Variants in TET2 observed in about 807,000 individuals in gnomAD.
The protein encoded by TET2 is tet methylcytosine dioxygenase 2, also known as methylcytosine dioxygenase TET2.
In TET2, 299 loss-of-function variants were observed where a neutral mutation model predicts 142.9. That is an observed-to-expected ratio of 2.09 (90% confidence interval 1.90 to 2.30). The LOEUF is 2.30. Among genes scored for constraint, TET2 ranks in the 30% most tolerant of loss-of-function variants. TET2 has a pLI of 0.00. For synonymous variants in TET2, 819 were observed against 849.0 expected (o/e 0.96, Z 0.61); for missense variants, 2,418 against 2,378.0 (o/e 1.02, Z -0.35).
At chr4:105,238,072 C>G (rs1388797486) in intron 3 of TET2, 1 of 342,296 alleles carries the variant, frequency 2.9e-6, no homozygotes, top group Non-Finnish European at 4.7e-6. Context: ...TGGTTTCTCA[C>G]TGTATGTAAA....
At position 105,235,331 on chromosome 4, in the gene TET2, T is replaced by C. The variant is rs769070866; in HGVS notation, c.1389T>C (p.Pro463=). 1 of 1,613,896 alleles carries C rather than the reference T, an allele frequency of 6.2e-7. No individual in the cohort carries two copies. The highest frequency in any genetic ancestry group is 8.5e-7 in the Non-Finnish European group (1 of 1,179,928). The change falls in exon 3 of 11, where the codon CCT becomes CCC. Residue 463 remains proline (P), a synonymous_variant. Coordinates refer to ENST00000380013, the MANE Select transcript of TET2 (RefSeq NM_001127208.3). ...GKPEAPPSQS[P]NPSTHVCSPS... ...CTGAGGCACCACCTTCCCAGAGTCC[T>C]AATCCATCTACACATGTATGCAGCC...
intron 6 of TET2, among the ~76,000 whole-genome samples, chr4:105,257,762 T>TTA (rs753017346): frequency 6.6e-6 from 1 of 152,274 alleles, no homozygotes; most frequent in Non-Finnish European, 1.5e-5. Context: ...TTTAGTTATC[T>TTA]TATGTTTTGC....
chr4:105,222,280 G>A (rs1727877925), intron 2 of TET2, among the ~76,000 whole-genome samples: 1 of 152,286 alleles, frequency 6.6e-6, no homozygotes, highest in East Asian at 1.9e-4. Flanking sequence ...GATCCCTGAG[G>A]AATCGCCACA....
intron 2 of TET2, among the ~76,000 whole-genome samples, chr4:105,214,905 T>C (rs185826518): frequency 4.4e-4 from 67 of 152,288 alleles, no homozygotes; most frequent in Middle Eastern, 3.4e-3. Context: ...ACCAAACGTA[T>C]TGAACCCAAA....
At chr4:105,175,249 C>G (rs1309310239) in intron 1 of TET2, among the ~76,000 whole-genome samples, 1 of 151,938 alleles carries the variant, frequency 6.6e-6, no homozygotes, top group South Asian at 2.1e-4. Flanking sequence ...GAAGCAGAGT[C>G]AAATATGGCA....
At chr4:105,241,001 G>A (rs1729266428) in intron 3 of TET2, 2 of 1,085,202 alleles carry the variant, frequency 1.8e-6, no homozygotes, top group African/African-American at 1.6e-5. Context: ...TTTTTTTCCA[G>A]CTCAAAAAAT....
At chr4:105,147,178 C>T (rs1016702139) in intron 1 of TET2, among the ~76,000 whole-genome samples, 199 bp downstream of exon 1, 20 of 152,356 alleles carry the variant, frequency 1.3e-4, no homozygotes, top group African/African-American at 3.6e-4. Flanking sequence ...CCCTTTTAAA[C>T]CTGTAGTTCT....
intron 6 of TET2, among the ~76,000 whole-genome samples, chr4:105,248,549 TAAC>T (rs201330646): frequency 0.038 from 5,726 of 152,304 alleles, 161 homozygotes; most frequent in Non-Finnish European, 0.051. Context: ...GTGCTAATTC[TAAC>T]AATATTTGAA....
intron 9 of TET2, among the ~76,000 whole-genome samples, chr4:105,270,979 G>A (rs1730925619): frequency 6.6e-6 from 1 of 152,142 alleles, no homozygotes; most frequent in Non-Finnish European, 1.5e-5. Context: ...TTGTTGAGAA[G>A]CAGAGAAGAT....
chr4:105,220,627 GA>G (rs1346437176), intron 2 of TET2, among the ~76,000 whole-genome samples: 2 of 152,156 alleles, frequency 1.3e-5, no homozygotes, highest in Non-Finnish European at 2.9e-5. Context: ...TTAAGCACCT[GA>G]ACAAGACTGG....
chr4:105,166,195 T>G (rs149934563), intron 1 of TET2, among the ~76,000 whole-genome samples: 20 of 152,242 alleles, frequency 1.3e-4, no homozygotes, highest in Admixed American at 3.9e-4. Context: ...AAGGAAAAAG[T>G]GATCCTGTGA....
At chr4:105,164,838 A>G (rs1244313152) in intron 1 of TET2, among the ~76,000 whole-genome samples, 3 of 152,204 alleles carry the variant, frequency 2.0e-5, no homozygotes, top group Admixed American at 2.0e-4. Context: ...ATGAAGGATT[A>G]CTTCCATCCC....
At chr4:105,154,879 G>A (rs1723485590) in intron 1 of TET2, among the ~76,000 whole-genome samples, 1 of 152,042 alleles carries the variant, frequency 6.6e-6, no homozygotes, top group Non-Finnish European at 1.5e-5. Context: ...GCACAAATTA[G>A]CTGGGTGTGG....
Position 105,217,257 on chromosome 4 carries a change from A to G in TET2, c.-46-16640A>G, listed in dbSNP as rs1727551840. On this transcript the variant is annotated intron_variant, in intron 2 of 10. Transcript: ENST00000380013. ...AAAGTACAGGTGAAGAGCGTGAATC[A>G]TTAGAACAGCAATATAACTGGAAGA... 3.3e-5 allele frequency among the ~76,000 whole-genome samples: 5 copies of G among 152,080 alleles called. No homozygotes were observed. The South Asian group carries it at 1.0e-3, about 31-fold the overall frequency.
intron 1 of TET2, among the ~76,000 whole-genome samples, chr4:105,182,270 G>A (rs1008704528): frequency 6.6e-6 from 1 of 152,152 alleles, no homozygotes; most frequent in Non-Finnish European, 1.5e-5. Flanking sequence ...AGATTTCCAA[G>A]GTAGCTAGTA....
chr4:105,275,992 C>T lies in TET2; in HGVS notation c.5482C>T (p.Gln1828Ter), dbSNP rs1176763299. The change falls in exon 11 of 11, where the codon CAG (glutamine) becomes TAG (stop). Residue 1828 changes from glutamine to a stop codon, truncating the protein, a stop_gained. Coordinates refer to ENST00000380013, the MANE Select transcript of TET2 (RefSeq NM_001127208.3). LOFTEE classifies it low-confidence loss of function (END_TRUNC). ...KLSDANGQEK[Q>*]PLALVQGVAS... ...AAGTGATGCTAATGGTCAGGAAAAG[C>T]AGCCATTGGCACTAGTCCAGGGTGT... 2.6e-6 allele frequency: 4 copies of T among 1,551,712 alleles called. No homozygotes were observed. Among genetic ancestry groups the T allele is most frequent in the East Asian group, 2.4e-5 (1 of 40,910 alleles).
At chr4:105,146,290 CA>C (rs1057027424), upstream of TET2, 3 of 152,478 alleles carry the variant, frequency 2.0e-5, no homozygotes, top group African/African-American at 7.2e-5. Flanking sequence ...TTTGTCCAGG[CA>C]CCCGTGCCAT....
At chr4:105,222,729 A>G (rs1727919230) in intron 2 of TET2, among the ~76,000 whole-genome samples, 1 of 151,874 alleles carries the variant, frequency 6.6e-6, no homozygotes, top group South Asian at 2.1e-4. Context: ...ATTAGATCCC[A>G]TTTGTCAATT....
Position 105,278,203 on chromosome 4 carries a change from T to TATATATATATATATATATATATA in TET2, c.*1684_*1685insATATATATATATATATATATATA, listed in dbSNP as rs1553918861. 4.6e-4 allele frequency: 73 copies of TATATATATATATATATATATATA among 159,008 alleles called. 1 individual carries two copies. The highest frequency in any genetic ancestry group is 2.6e-3 in the Middle Eastern group (1 of 380). 9.8% of individuals were successfully genotyped at this position (159,008 alleles called of 1,614,324 possible). On this transcript the variant is annotated 3_prime_UTR_variant, in exon 11 of 11. Coordinates refer to ENST00000380013, the MANE Select transcript of TET2 (RefSeq NM_001127208.3). ...ATATATATATATATATATATATATA[T>TATATATATATATATATATATATA]GAGTTTGAAGCAGAATTCACATCAT... is the stretch of plus-strand genomic sequence containing the variant.
Sources: allele counts gnomAD v4.1 joint callset (sites outside exome capture counted in the v4.1 genomes callset), GRCh38; gene constraint gnomAD v4.1.1; transcripts MANE v1.5; gene names NCBI Gene and HGNC (gene_info 2026-07-23, HGNC 2026-07-21).